Variants in CUL1 observed in about 807,000 individuals in gnomAD.
The protein encoded by CUL1 is cullin-1.
In CUL1, 24 loss-of-function variants were observed where a neutral mutation model predicts 118.0. The observed-to-expected ratio is 0.20, with a 90% CI of 0.15 to 0.29. The LOEUF is 0.29. Among genes scored for constraint, CUL1 ranks in the 10% least tolerant of loss-of-function variants. CUL1 has a pLI of 1.00. For synonymous variants in CUL1, 332 were observed against 340.4 expected (o/e 0.98, Z 0.27); for missense variants, 361 against 933.8 (o/e 0.39, Z 7.99).
At chr7:148,756,203 A>G (rs1799651631) in intron 3 of CUL1, among the ~76,000 whole-genome samples, 1 of 152,208 alleles carries the variant, frequency 6.6e-6, no homozygotes, top group Non-Finnish European at 1.5e-5. Flanking sequence ...TACTTACCTT[A>G]TTTTTACAGA....
Position 148,783,863 on chromosome 7 carries a change from C to G in CUL1, c.1164C>G (p.Asp388Glu), listed in dbSNP as rs777447474. ...TGGTAATGTCTGCATTCAACAATGA[C>G]GCTGGCTTTGTGGCTGCTCTTGATA... The part of the protein sequence containing the change: ...NALVMSAFNN[D>E]AGFVAALDKA... Residue 388 changes from aspartate (D) to glutamate (E), a missense_variant, in exon 10 of 22, where the codon GAC becomes GAG. Physicochemically the swap from Asp to Glu is conservative, Grantham distance 45. Around this residue, in one of 7 missense-constraint regions of CUL1, gnomAD observed 169 missense variants for 429.7 expected, o/e 0.39. Coordinates refer to ENST00000325222, the MANE Select transcript of CUL1 (RefSeq NM_003592.3). The G allele has an allele frequency of 5.6e-6, 9 of 1,614,050 alleles. No individual in the cohort carries two copies. The highest frequency in any genetic ancestry group is 5.9e-6 in the Non-Finnish European group (7 of 1,180,044).
At position 148,800,689 on chromosome 7, in the gene CUL1, C is replaced by A. The variant is rs545258524; in HGVS notation, c.*107C>A. The A allele has an allele frequency of 1.3e-6, 1 of 797,776 alleles. No homozygotes were observed. The highest frequency in any genetic ancestry group is 2.4e-5 in the Admixed American group (1 of 41,728). 49.4% of individuals were successfully genotyped at this position (797,776 alleles called of 1,614,324 possible). ...GCCAGCCTGCCGCCATTGGACCTCCCTTTTAAAAACTGAGACCAAGACTCC... is the reference window on the plus strand; with the variant it reads ...GCCAGCCTGCCGCCATTGGACCTCCATTTTAAAAACTGAGACCAAGACTCC... On this transcript the variant is annotated 3_prime_UTR_variant, in exon 22 of 22. Transcript: ENST00000325222. This position sits in a 1 kb window ranked among gnomAD's most constrained non-coding sequence, Gnocchi z 4.6.
chr7:148,754,925 T>C (rs1308263171), intron 3 of CUL1, among the ~76,000 whole-genome samples: 1 of 152,030 alleles, frequency 6.6e-6, no homozygotes, highest in Admixed American at 6.6e-5. Flanking sequence ...AGCTAATTTT[T>C]AAATCTTTTG....
At chr7:148,778,749 C>T (rs1470715277) in intron 9 of CUL1, among the ~76,000 whole-genome samples, 2 of 152,194 alleles carry the variant, frequency 1.3e-5, no homozygotes, top group Non-Finnish European at 2.9e-5. Flanking sequence ...GATCTGCTCT[C>T]TTTAGCCCCT....
chr7:148,771,481 G>A (rs1800209181), intron 9 of CUL1, among the ~76,000 whole-genome samples: 1 of 152,152 alleles, frequency 6.6e-6, no homozygotes, highest in South Asian at 2.1e-4. Context: ...CCTAAAAGCT[G>A]GCAGCCCTCA....
intron 7 of CUL1, among the ~76,000 whole-genome samples, chr7:148,765,919 G>T (rs903086436): frequency 3.3e-5 from 5 of 152,134 alleles, no homozygotes; most frequent in African/African-American, 1.2e-4. Context: ...ATTTCTTAGA[G>T]TGGCAGAGAC....
chr7:148,707,199 A>G (rs944487438), intron 1 of CUL1, among the ~76,000 whole-genome samples: 5 of 152,158 alleles, frequency 3.3e-5, no homozygotes, highest in African/African-American at 9.7e-5. Flanking sequence ...TAGAGATTTG[A>G]TATGGAGTGA....
At chr7:148,731,099 A>G (rs929256095) in intron 2 of CUL1, among the ~76,000 whole-genome samples, 2 of 152,182 alleles carry the variant, frequency 1.3e-5, no homozygotes, top group African/African-American at 4.8e-5. Flanking sequence ...CACGATGTGC[A>G]TGGGGGACTG....
At chr7:148,726,468 C>T (rs243520) in intron 1 of CUL1, among the ~76,000 whole-genome samples, 47,695 of 151,860 alleles carry the variant, frequency 0.31, 8,201 homozygotes, top group South Asian at 0.47. Context: ...GACTTATTAA[C>T]TCTTTAAAGC....
intron 11 of CUL1, among the ~76,000 whole-genome samples, chr7:148,784,343 T>G (rs183591788): frequency 1.4e-4 from 21 of 152,354 alleles, no homozygotes; most frequent in African/African-American, 4.6e-4. Flanking sequence ...TGTTCGCTTC[T>G]GAGATCAGAC....
intron 2 of CUL1, among the ~76,000 whole-genome samples, chr7:148,740,676 G>T (rs1329895219): frequency 6.6e-6 from 1 of 152,154 alleles, no homozygotes; most frequent in Non-Finnish European, 1.5e-5. Context: ...AGTATATTTG[G>T]ATGGTATTTG....
intron 1 of CUL1, 64 bp downstream of exon 1, chr7:148,699,093 C>T (rs1183369421): frequency 1.3e-5 from 2 of 154,452 alleles, no homozygotes; most frequent in African/African-American, 2.4e-5. Context: ...GCAGGCCCGG[C>T]CCCGAGCCGC....
intron 2 of CUL1, among the ~76,000 whole-genome samples, chr7:148,745,035 C>T (rs1282323001): frequency 6.6e-6 from 1 of 152,046 alleles, no homozygotes; most frequent in African/African-American, 2.4e-5. Flanking sequence ...GATTGTTCCC[C>T]CTTTGGTTTT....
intron 2 of CUL1, among the ~76,000 whole-genome samples, chr7:148,751,094 A>G (rs539892077): frequency 1.9e-4 from 29 of 152,288 alleles, no homozygotes; most frequent in Middle Eastern, 3.4e-3. Context: ...ATGAAAACTC[A>G]TGCACTACAG....
At chr7:148,725,810 C>T (rs769464563) in intron 1 of CUL1, among the ~76,000 whole-genome samples, 9 of 152,200 alleles carry the variant, frequency 5.9e-5, no homozygotes, top group Non-Finnish European at 1.3e-4. Context: ...ATAGGTGAGG[C>T]TCTTTAGGGG....
chr7:148,786,908 C>G, intron 12 of CUL1, 81 bp from the exon 13 acceptor site: 19 of 1,538,206 alleles, frequency 1.2e-5, no homozygotes, highest in Non-Finnish European at 1.6e-5. Flanking sequence ...TGGCTCCTGG[C>G]TTGTGGCCGG....
At chr7:148,782,719 A>G (rs1800681444) in intron 9 of CUL1, among the ~76,000 whole-genome samples, 1 of 152,188 alleles carries the variant, frequency 6.6e-6, no homozygotes, top group Admixed American at 6.5e-5. Flanking sequence ...ACTGATACTC[A>G]TTGTTATTTA....
chr7:148,714,494 T>A (rs1260389696), intron 1 of CUL1, among the ~76,000 whole-genome samples: 1 of 152,140 alleles, frequency 6.6e-6, no homozygotes, highest in African/African-American at 2.4e-5. Context: ...CCCATCCCCC[T>A]CCTTGGTGCT....
intron 16 of CUL1, among the ~76,000 whole-genome samples, chr7:148,790,774 G>A (rs1189326957): frequency 1.3e-5 from 2 of 152,182 alleles, no homozygotes; most frequent in Non-Finnish European, 2.9e-5. Context: ...CAGCTGTTCA[G>A]GTAGTGACTT....
Sources: gnomAD v4.1 joint callset for allele counts (sites outside exome capture counted in the v4.1 genomes callset) on GRCh38, gnomAD v4.1.1 for gene constraint, gnomAD v4.1.1 regional missense constraint, Gnocchi (gnomAD v3.1) non-coding constraint, MANE v1.5 for transcripts, NCBI Gene and HGNC (gene_info 2026-07-23, HGNC 2026-07-21) for gene names.